The following CYRIA variants were observed in gnomAD, a reference collection of about 807,000 sequenced individuals.
CYRIA encodes CYFIP related Rac1 interactor A, also known as CYFIP-related Rac1 interactor A.
Under a neutral mutation model 43.9 loss-of-function variants are expected in CYRIA, and 15 were observed. The ratio of observed to expected loss-of-function variants is 0.34; its 90% confidence interval spans 0.23 to 0.53. The LOEUF is 0.53. CYRIA is among the 20% of genes least tolerant of loss of function. The pLI is 0.94. For missense variants in CYRIA, 236 were observed against 394.2 expected (o/e 0.60, Z 3.40); for synonymous variants, 117 against 136.0 (o/e 0.86, Z 0.97).
chr2:16,570,453 G>A (rs113972908), intron 3 of CYRIA, among the ~76,000 whole-genome samples: 5 of 152,128 alleles, frequency 3.3e-5, no homozygotes, highest in Non-Finnish European at 5.9e-5. Context: ...TTAGGTTTAC[G>A]TTTCTAATCT....
At chr2:16,648,019 C>T (rs373968959) in intron 1 of CYRIA, among the ~76,000 whole-genome samples, 2 of 152,210 alleles carry the variant, frequency 1.3e-5, no homozygotes, top group African/African-American at 4.8e-5. Flanking sequence ...CATGTATCAC[C>T]TCATTAAATC....
At chr2:16,630,562 C>T (rs996660215) in intron 1 of CYRIA, among the ~76,000 whole-genome samples, 2 of 152,168 alleles carry the variant, frequency 1.3e-5, no homozygotes, top group Non-Finnish European at 2.9e-5. Context: ...ACCTGCCAAA[C>T]TGGCTGCAGC....
chr2:16,630,381 A>C (rs1026934957), intron 1 of CYRIA, among the ~76,000 whole-genome samples: 1 of 152,144 alleles, frequency 6.6e-6, no homozygotes, highest in Non-Finnish European at 1.5e-5. Context: ...GGGGCAGAGA[A>C]GGCAATTGCA....
intron 1 of CYRIA, among the ~76,000 whole-genome samples, chr2:16,638,902 T>C (rs1287248339): frequency 6.6e-6 from 1 of 152,158 alleles, no homozygotes; most frequent in East Asian, 1.9e-4. Context: ...GGGAAAAACA[T>C]GATGTGCCCT....
intron 1 of CYRIA, among the ~76,000 whole-genome samples, chr2:16,637,200 TC>T (rs1222298480): frequency 6.6e-6 from 1 of 152,176 alleles, no homozygotes. Flanking sequence ...CAAACTCTTT[TC>T]TTTTTAACTT....
At chr2:16,560,321 T>C (rs1490758346) in intron 9 of CYRIA, among the ~76,000 whole-genome samples, 1 of 152,128 alleles carries the variant, frequency 6.6e-6, no homozygotes, top group African/African-American at 2.4e-5. Context: ...GCTATCAGAT[T>C]TTATAAGGTA....
At chr2:16,648,098 C>T (rs1572202738) in intron 1 of CYRIA, among the ~76,000 whole-genome samples, 1 of 152,240 alleles carries the variant, frequency 6.6e-6, no homozygotes, top group East Asian at 1.9e-4. Context: ...TAATGAGACA[C>T]AGAAAGGTTA....
chr2:16,660,790 C>T (rs1670231874), intron 1 of CYRIA, among the ~76,000 whole-genome samples: 1 of 152,194 alleles, frequency 6.6e-6, no homozygotes, highest in Non-Finnish European at 1.5e-5. Context: ...ACACCAGACT[C>T]AGGCCCTGAG....
intron 2 of CYRIA, among the ~76,000 whole-genome samples, chr2:16,593,652 C>G (rs1668004309): frequency 6.8e-6 from 1 of 146,612 alleles, no homozygotes; most frequent in African/African-American, 2.5e-5. Flanking sequence ...TTTAGTAATA[C>G]TTGGATTATC....
intron 3 of CYRIA, among the ~76,000 whole-genome samples, chr2:16,571,292 T>G (rs1207414264): frequency 1.3e-5 from 2 of 152,222 alleles, no homozygotes; most frequent in African/African-American, 4.8e-5. Flanking sequence ...TGCTGTCACC[T>G]GAGGCAGGGT....
intron 11 of CYRIA, among the ~76,000 whole-genome samples, chr2:16,554,130 G>A (rs1230774729): frequency 6.6e-6 from 1 of 152,130 alleles, no homozygotes; most frequent in Non-Finnish European, 1.5e-5. Context: ...GATTAAATGA[G>A]ACAATATGAT....
intron 2 of CYRIA, chr2:16,623,074 T>C (rs569694885): frequency 2.8e-4 from 42 of 152,364 alleles, no homozygotes; most frequent in African/African-American, 9.6e-4. Context: ...AGTGAAGATG[T>C]GTGGCCATCT....
chr2:16,563,095 T>G (rs1425749593), intron 5 of CYRIA, among the ~76,000 whole-genome samples: 1 of 152,188 alleles, frequency 6.6e-6, no homozygotes, highest in Non-Finnish European at 1.5e-5. Context: ...CAGTTCTACC[T>G]TGGCCTGCTC....
intron 2 of CYRIA, among the ~76,000 whole-genome samples, chr2:16,611,141 C>CA (rs1427681778): frequency 3.3e-5 from 5 of 150,096 alleles, no homozygotes; most frequent in Non-Finnish European, 7.4e-5. Context: ...GGGCAGATCA[C>CA]AAGGTTAAGA....
At chr2:16,644,565 AG>A (rs1239473930) in intron 1 of CYRIA, among the ~76,000 whole-genome samples, 5 of 152,176 alleles carry the variant, frequency 3.3e-5, no homozygotes, top group African/African-American at 1.2e-4. Context: ...TGTCTGTCAA[AG>A]CTTCCTCTAA....
In CYRIA at chr2:16,559,602, C is replaced by T; in HGVS notation, c.711-16G>A. 1.2e-6 allele frequency: 2 copies of T among 1,609,542 alleles called. No homozygotes were observed. Among genetic ancestry groups the T allele is most frequent in the Non-Finnish European group, 1.7e-6 (2 of 1,177,600 alleles). ...TCTGTACTCCCTGCAAGAGAAGAAACAGCAGTGGCGTCACTTCCTTGTCAG... is the reference window on the plus strand; with the variant it reads ...TCTGTACTCCCTGCAAGAGAAGAAATAGCAGTGGCGTCACTTCCTTGTCAG... On this transcript the variant is annotated splice_polypyrimidine_tract_variant and intron_variant, in intron 9 of 11. Coordinates refer to ENST00000381323, the MANE Select transcript of CYRIA (RefSeq NM_030797.4).
At chr2:16,553,986 T>C (rs1325044655) in intron 11 of CYRIA, among the ~76,000 whole-genome samples, 1 of 152,136 alleles carries the variant, frequency 6.6e-6, no homozygotes, top group East Asian at 1.9e-4. Context: ...AAGTCTCTTC[T>C]AAAGGATGAT....
intron 1 of CYRIA, among the ~76,000 whole-genome samples, chr2:16,632,799 G>T (rs1669368124): frequency 6.6e-6 from 1 of 152,046 alleles, no homozygotes; most frequent in African/African-American, 2.4e-5. Context: ...ACAAACACTG[G>T]CAATTGCGCT....
chr2:16,593,831 G>C (rs11680326), intron 2 of CYRIA, among the ~76,000 whole-genome samples: 16,561 of 143,188 alleles, frequency 0.12, 1,034 homozygotes, highest in Middle Eastern at 0.17. Flanking sequence ...ACCCACTAAT[G>C]TGTCATCTAG....
Sources: allele counts gnomAD v4.1 joint callset (sites outside exome capture counted in the v4.1 genomes callset), GRCh38; gene constraint gnomAD v4.1.1; transcripts MANE v1.5; gene names NCBI Gene and HGNC (gene_info 2026-07-23, HGNC 2026-07-21).